POLE2: variants seen among roughly 807,000 people sequenced by gnomAD.
The protein encoded by POLE2 is DNA polymerase epsilon 2, accessory subunit.
POLE2 carries 56 observed loss-of-function variants against 79.4 expected under a neutral mutation model. That is an observed-to-expected ratio of 0.71 (90% confidence interval 0.57 to 0.88). The LOEUF is 0.88. Among genes scored for constraint, POLE2 ranks in the 40% least tolerant of loss-of-function variants. The pLI is 0.00. For synonymous variants in POLE2, 212 were observed against 214.0 expected, an observed-to-expected ratio of 0.99 and a Z score of 0.08; for missense variants, 598 against 638.9, an observed-to-expected ratio of 0.94 and a Z score of 0.69.
chr14:49,661,845 GT>G lies in POLE2; in HGVS notation c.755+1469del, dbSNP rs575754130. 2.6e-5 allele frequency among the ~76,000 whole-genome samples: 4 copies of G among 152,112 alleles called. No homozygotes were observed. In the South Asian group the frequency reaches 8.3e-4, roughly 32 times the overall value. ...TATTACACCTCATACCAATCCTTTG[GT>G]TTACTAAGCATATACTAAGCAGTTG... On this transcript the variant is annotated intron_variant, in intron 10 of 18. Transcript: ENST00000216367.
chr14:49,654,738 T>C, intron 13 of POLE2, 46 bp downstream of exon 13: 1 of 1,474,404 alleles, frequency 6.8e-7, no homozygotes. Context: ...TTTGTTTTTT[T>C]TTTAAGTAAA....
intron 9 of POLE2, 57 bp downstream of exon 9, chr14:49,664,569 G>T: frequency 9.2e-7 from 1 of 1,081,366 alleles, no homozygotes; most frequent in Non-Finnish European, 1.4e-6. Flanking sequence ...TTTACCCAAA[G>T]CAGAAAGTTT....
chr14:49,682,404 G>A (rs1017326441), intron 2 of POLE2, among the ~76,000 whole-genome samples: 12 of 151,614 alleles, frequency 7.9e-5, no homozygotes, highest in South Asian at 2.1e-4. Flanking sequence ...TTGGGAGGCC[G>A]AGGTGGGCGA....
intron 15 of POLE2, among the ~76,000 whole-genome samples, chr14:49,653,465 T>A (rs923173518): frequency 6.6e-6 from 1 of 152,220 alleles, no homozygotes; most frequent in Non-Finnish European, 1.5e-5. Flanking sequence ...CTATCCATTA[T>A]TCAAGAGTCT....
At chr14:49,643,727 A>C in intron 18 of POLE2, 57 bp from the exon 19 acceptor site, 2 of 876,546 alleles carry the variant, frequency 2.3e-6, no homozygotes, top group Non-Finnish European at 3.6e-6. Flanking sequence ...ACTTACTAAT[A>C]GTTGTAGTTA....
Position 49,664,999 on chromosome 14 carries a change from G to A in POLE2, c.633+108C>T, listed in dbSNP as rs180710550. On this transcript the variant is annotated intron_variant, in intron 8 of 18. Coordinates refer to ENST00000216367, the MANE Select transcript of POLE2 (RefSeq NM_002692.4). ...TCTACATTCCTACACCAGCAACATA[G>A]AGAAGTTACATTGAGAACCCAAATA... 2.7e-4 allele frequency: 186 copies of A among 678,802 alleles called. No individual in the cohort carries two copies. In the African/African-American group the frequency reaches 3.1e-3, roughly 11 times the overall value. 42.0% of individuals were successfully genotyped at this position (678,802 alleles called of 1,614,324 possible). A position where few individuals can be genotyped will look rare whatever the true frequency, so the allele number is the denominator to read the frequency against.
intron 1 of POLE2, among the ~76,000 whole-genome samples, chr14:49,687,905 G>A (rs964748290): frequency 6.6e-6 from 1 of 152,110 alleles, no homozygotes; most frequent in Non-Finnish European, 1.5e-5. Context: ...TCACCATGTT[G>A]GCCAGGATGG....
Position 49,674,226 on chromosome 14 carries a change from G to A in POLE2, c.324-10C>T. The A allele has an allele frequency of 6.4e-7, 1 of 1,569,894 alleles. No homozygotes were observed. The highest frequency in any genetic ancestry group is 8.8e-7 in the Non-Finnish European group (1 of 1,139,884). ...GTTGGTCATTAACAGACTAGAAAAA[G>A]AGAATGCCTATTTTTGACTATCATA... On this transcript the variant is annotated splice_polypyrimidine_tract_variant and intron_variant, in intron 4 of 18. Transcript: ENST00000216367.
chr14:49,670,316 CCAAAAAAAA>C (rs1566556239), intron 5 of POLE2, among the ~76,000 whole-genome samples: 1 of 38,488 alleles, frequency 2.6e-5, no homozygotes. Flanking sequence ...AACTGTGTCT[CCAAAAAAAA>C]AAAAAAAAAA....
intron 13 of POLE2, chr14:49,654,455 C>G (rs1053523631): frequency 2.1e-6 from 1 of 466,438 alleles, no homozygotes; most frequent in Non-Finnish European, 3.7e-6. Context: ...AGCTGATGGA[C>G]TGAATTTTAT....
intron 10 of POLE2, among the ~76,000 whole-genome samples, chr14:49,661,709 T>C (rs1266444782): frequency 6.6e-6 from 1 of 152,232 alleles, no homozygotes; most frequent in Admixed American, 6.5e-5. Context: ...AGTTGTTGAA[T>C]TGATTGACTA....
chr14:49,683,002 G>A (rs1243498367), intron 2 of POLE2, among the ~76,000 whole-genome samples: 1 of 151,026 alleles, frequency 6.6e-6, no homozygotes, highest in African/African-American at 2.5e-5. Context: ...CCAAGTGCAG[G>A]AAACATGGTG....
chr14:49,656,260 C>A (rs1356028195), intron 10 of POLE2, among the ~76,000 whole-genome samples: 1 of 150,548 alleles, frequency 6.6e-6, no homozygotes, highest in African/African-American at 2.4e-5. Context: ...GAGGATGAGA[C>A]AGGAGAATGG....
intron 10 of POLE2, among the ~76,000 whole-genome samples, chr14:49,662,957 T>C (rs1885194018): frequency 1.3e-5 from 2 of 152,234 alleles, no homozygotes; most frequent in African/African-American, 4.8e-5. Flanking sequence ...ATAACTTTCA[T>C]TCATTGGAAT....
intron 10 of POLE2, among the ~76,000 whole-genome samples, chr14:49,660,512 C>G (rs1321917043): frequency 6.6e-6 from 1 of 151,130 alleles, no homozygotes; most frequent in Non-Finnish European, 1.5e-5. Context: ...AAAAACTTTT[C>G]TTTTTTTAAA....
rs748234835 is a variant in POLE2, at chr14:49,643,638, G to C, written c.*14C>G. 2.2e-6 allele frequency: 3 copies of C among 1,351,538 alleles called. No homozygotes were observed. Among genetic ancestry groups the C allele is most frequent in the South Asian group, 2.6e-5 (2 of 78,280 alleles). 83.7% of individuals were successfully genotyped at this position (1,351,538 alleles called of 1,614,324 possible). ...GAAAACTGATGAATTTTCTTCAGAT[G>C]ATCTTTAAGAATCTCAAAAGCCTTG... is the stretch of plus-strand genomic sequence containing the variant. On this transcript the variant is annotated 3_prime_UTR_variant, in exon 19 of 19. Transcript: ENST00000216367.
chr14:49,665,233 A>G (rs1466978443), intron 7 of POLE2, 70 bp from the exon 8 acceptor site: 1 of 706,530 alleles, frequency 1.4e-6, no homozygotes, highest in East Asian at 2.7e-5. Flanking sequence ...AAATTAAACT[A>G]CAAGTTTGAC....
In POLE2 at chr14:49,683,656, T is replaced by C. The variant is rs371728109; in HGVS notation, c.106A>G (p.Ile36Val). 2 of 1,592,784 alleles carry C rather than the reference T, an allele frequency of 1.3e-6. No individual in the cohort carries two copies. Among genetic ancestry groups the C allele is most frequent in the South Asian group, 1.1e-5 (1 of 89,938 alleles). Reference protein sequence around the residue: ...IKYLTEALQSISELELEDKLE... With the variant: ...IKYLTEALQSVSELELEDKLE... ...TTATCTTCAAGCTCTAATTCACTGA[T>C]AGACTGAAGAGCTTCTGTGAGGTAC... The change falls in exon 2 of 19, where the codon ATC (isoleucine) becomes GTC (valine). Residue 36 changes from isoleucine (I) to valine (V), a missense_variant. Ile to Val is a conservative substitution (Grantham distance 29). Transcript: ENST00000216367.
intron 6 of POLE2, among the ~76,000 whole-genome samples, chr14:49,667,217 A>T (rs1418884567): frequency 2.0e-5 from 3 of 151,826 alleles, no homozygotes; most frequent in African/African-American, 7.3e-5. Flanking sequence ...AAAACTTTCC[A>T]TCTTTTTCTA....
Sources: allele counts gnomAD v4.1 joint callset (sites outside exome capture counted in the v4.1 genomes callset), GRCh38; gene constraint gnomAD v4.1.1; transcripts MANE v1.5; gene names NCBI Gene and HGNC (gene_info 2026-07-23, HGNC 2026-07-21).